Variants in NUAK1 observed in about 807,000 individuals in gnomAD.
The protein encoded by NUAK1 is NUAK family SNF1-like kinase 1.
In NUAK1, 26 loss-of-function variants were observed where a neutral mutation model predicts 56.9. That is an observed-to-expected ratio of 0.46 (90% CI 0.33 to 0.63). The LOEUF is 0.63. Ranked by LOEUF, NUAK1 falls within the 30% of genes least tolerant of loss-of-function variation. The pLI is 0.02. For synonymous variants in NUAK1, 337 were observed against 336.0 expected, an observed-to-expected ratio of 1.00 and a Z score of -0.03; for missense variants, 727 against 876.1, an observed-to-expected ratio of 0.83 and a Z score of 2.15.
intron 4 of NUAK1, among the ~76,000 whole-genome samples, chr12:106,082,113 T>A (rs2032524085): frequency 6.6e-6 from 1 of 152,214 alleles, no homozygotes; most frequent in African/African-American, 2.4e-5. Context: ...TTGTCTAAAA[T>A]CTTCACGTTT....
chr12:106,087,473 G>C (rs553420117), intron 2 of NUAK1, among the ~76,000 whole-genome samples: 2 of 152,250 alleles, frequency 1.3e-5, no homozygotes, highest in African/African-American at 2.4e-5. Context: ...ATGTAAAAGG[G>C]GGTTGTCCTG....
chr12:106,093,100 A>C (rs1428105904), intron 2 of NUAK1, among the ~76,000 whole-genome samples: 1 of 152,216 alleles, frequency 6.6e-6, no homozygotes, highest in East Asian at 1.9e-4. Context: ...TACAGTACAG[A>C]CTTTAAGTAC....
chr12:106,072,268 A>T (rs2032413786), intron 5 of NUAK1, among the ~76,000 whole-genome samples: 1 of 152,330 alleles, frequency 6.6e-6, no homozygotes, highest in East Asian at 1.9e-4. Flanking sequence ...TTACTAAATA[A>T]ATTTTGGTAT....
At chr12:106,108,406 C>G (rs2032825487) in intron 1 of NUAK1, among the ~76,000 whole-genome samples, 2 of 152,178 alleles carry the variant, frequency 1.3e-5, no homozygotes, top group Non-Finnish European at 2.9e-5. Flanking sequence ...AATGAGCCTT[C>G]CAGCTTAAAG....
intron 1 of NUAK1, among the ~76,000 whole-genome samples, chr12:106,116,623 T>A (rs942299997): frequency 4.6e-5 from 7 of 152,214 alleles, no homozygotes; most frequent in African/African-American, 1.7e-4. Flanking sequence ...TGGGTCTCCA[T>A]ACGCTGAAAG....
rs2033145977 is a variant in NUAK1, at chr12:106,138,078, G to A, written c.240+336C>T. 6.6e-6 allele frequency among the ~76,000 whole-genome samples: 1 copy of A among 152,228 alleles called. No individual in the cohort carries two copies. Among genetic ancestry groups the A allele is most frequent in the Non-Finnish European group, 1.5e-5 (1 of 68,046 alleles). On this transcript the variant is annotated intron_variant, in intron 1 of 6. Coordinates refer to ENST00000261402, the MANE Select transcript of NUAK1 (RefSeq NM_014840.3). The surrounding 1 kb of genome is among the most constrained non-coding windows in gnomAD (Gnocchi z 5.0). The stretch of plus-strand genomic sequence containing the variant: ...AGACGTTTCGGGGCATGGTCTAAAT[G>A]AGTGCCTGCGAGGGAGAGAGACCCC...
intron 2 of NUAK1, among the ~76,000 whole-genome samples, chr12:106,096,791 A>G (rs2032700738): frequency 6.6e-6 from 1 of 152,190 alleles, no homozygotes; most frequent in African/African-American, 2.4e-5. Context: ...TCAGACCAAG[A>G]CAAGTTTCCA....
At chr12:106,122,188 G>A (rs548158862) in intron 1 of NUAK1, among the ~76,000 whole-genome samples, 11 of 152,274 alleles carry the variant, frequency 7.2e-5, no homozygotes, top group African/African-American at 1.7e-4. Context: ...ACATCCACAC[G>A]TGGTAATCCC....
intron 1 of NUAK1, among the ~76,000 whole-genome samples, chr12:106,127,638 C>T (rs2033036407): frequency 1.3e-5 from 2 of 152,198 alleles, no homozygotes; most frequent in African/African-American, 4.8e-5. Flanking sequence ...CACAGGGAGA[C>T]TCTCCGTACA....
intron 2 of NUAK1, among the ~76,000 whole-genome samples, chr12:106,099,239 C>T (rs1244038295): frequency 6.6e-6 from 1 of 152,174 alleles, no homozygotes; most frequent in African/African-American, 2.4e-5. Context: ...ATTGGGTGAA[C>T]AGCAGCATCA....
chr12:106,072,713 A>G lies in NUAK1; in HGVS notation c.699+11T>C. The G allele has an allele frequency of 6.2e-7, 1 of 1,613,266 alleles. No individual in the cohort carries two copies. Among genetic ancestry groups the G allele is most frequent in the Non-Finnish European group, 8.5e-7 (1 of 1,179,534 alleles). On this transcript the variant is annotated intron_variant, in intron 5 of 6. Coordinates refer to ENST00000261402, the MANE Select transcript of NUAK1 (RefSeq NM_014840.3). ...CTCCCCTGCCCCATACACATTGGGAAAGCTGCTCACCTCTGGCCCTCGGTA... is the reference window on the plus strand; with the variant it reads ...CTCCCCTGCCCCATACACATTGGGAGAGCTGCTCACCTCTGGCCCTCGGTA...
At chr12:106,114,718 A>C (rs73397190) in intron 1 of NUAK1, among the ~76,000 whole-genome samples, 8,188 of 152,256 alleles carry the variant, frequency 0.054, 740 homozygotes, top group African/African-American at 0.19. Context: ...CACTCTGAGC[A>C]AGGGGTCCTT....
At chr12:106,131,647 C>T (rs976742866) in intron 1 of NUAK1, among the ~76,000 whole-genome samples, 1 of 152,178 alleles carries the variant, frequency 6.6e-6, no homozygotes, top group Non-Finnish European at 1.5e-5. Context: ...TCATCAGTTC[C>T]TTCCACTTTG....
chr12:106,093,856 T>A (rs974173217), intron 2 of NUAK1, among the ~76,000 whole-genome samples: 1 of 152,186 alleles, frequency 6.6e-6, no homozygotes, highest in Non-Finnish European at 1.5e-5. Flanking sequence ...GGGAGTGCAG[T>A]GGCAAGATCT....
chr12:106,112,799 T>C (rs1227945031), intron 1 of NUAK1, among the ~76,000 whole-genome samples: 1 of 152,156 alleles, frequency 6.6e-6, no homozygotes, highest in Non-Finnish European at 1.5e-5. Flanking sequence ...CCAGGGAGCA[T>C]GGTATGTGTA....
intron 4 of NUAK1, among the ~76,000 whole-genome samples, chr12:106,080,539 C>T (rs1440523516): frequency 1.3e-5 from 2 of 152,228 alleles, no homozygotes; most frequent in Non-Finnish European, 2.9e-5. Context: ...ATTCTTTCTG[C>T]TGACCGACTG....
At chr12:106,086,331 T>C (rs373128178) in intron 3 of NUAK1, among the ~76,000 whole-genome samples, 2 of 152,144 alleles carry the variant, frequency 1.3e-5, no homozygotes, top group African/African-American at 4.8e-5. Context: ...CTAGATTGGA[T>C]GCTGGAACAG....
At chr12:106,072,895 C>T in intron 4 of NUAK1, 52 bp from the exon 5 acceptor site, 1 of 1,607,374 alleles carries the variant, frequency 6.2e-7, no homozygotes. Flanking sequence ...CAGATTATGT[C>T]TGTGTTGGAT....
intron 1 of NUAK1, among the ~76,000 whole-genome samples, chr12:106,107,776 G>A (rs901446060): frequency 4.6e-5 from 7 of 152,260 alleles, no homozygotes; most frequent in African/African-American, 1.7e-4. Flanking sequence ...TTTCTAAAAT[G>A]CATCAGTCCA....
Sources: allele counts gnomAD v4.1 joint callset (sites outside exome capture counted in the v4.1 genomes callset), GRCh38; gene constraint gnomAD v4.1.1; non-coding constraint Gnocchi (gnomAD v3.1); transcripts MANE v1.5; gene names NCBI Gene and HGNC (gene_info 2026-07-23, HGNC 2026-07-21).